Variants in GABBR2 observed in about 807,000 individuals in gnomAD.
GABBR2 encodes the protein gamma-aminobutyric acid type B receptor subunit 2, also known as G-protein coupled receptor 51.
Under a neutral mutation model 105.6 loss-of-function variants are expected in GABBR2, and 23 were observed. The ratio of observed to expected loss-of-function variants is 0.22; its 90% confidence interval spans 0.16 to 0.31. The LOEUF is 0.31. Ranked by LOEUF, GABBR2 falls within the 10% of genes least tolerant of loss-of-function variation. The pLI is 1.00. For synonymous variants in GABBR2, 478 were observed against 499.7 expected, an observed-to-expected ratio of 0.96 and a Z score of 0.58; for missense variants, 734 against 1,245.5, an observed-to-expected ratio of 0.59 and a Z score of 6.18.
intron 1 of GABBR2, among the ~76,000 whole-genome samples, chr9:98,638,737 C>T (rs1441347143): frequency 6.6e-6 from 1 of 152,150 alleles, no homozygotes; most frequent in Non-Finnish European, 1.5e-5. Flanking sequence ...ATGCCCCAAA[C>T]CTGTGATTTA....
intron 1 of GABBR2, among the ~76,000 whole-genome samples, chr9:98,664,872 TC>T (rs1830312945): frequency 6.6e-6 from 1 of 152,194 alleles, no homozygotes; most frequent in Non-Finnish European, 1.5e-5. Flanking sequence ...AAGCTTGTAG[TC>T]CCAGCACTTT....
intron 7 of GABBR2, among the ~76,000 whole-genome samples, chr9:98,410,303 G>A (rs1487440675): frequency 6.6e-6 from 1 of 152,082 alleles, no homozygotes. Flanking sequence ...AGGCAAGGGA[G>A]TTTGGTAACT....
chr9:98,340,779 A>G lies in GABBR2; in HGVS notation c.1893+21936T>C, dbSNP rs76460647. Among the ~76,000 whole-genome samples the G allele has an allele frequency of 8.5e-5, 13 of 152,328 alleles. No homozygotes were observed. The East Asian group carries it at 2.3e-3, about 27-fold the overall frequency. On this transcript the variant is annotated intron_variant, in intron 13 of 18. Transcript: ENST00000259455. ...TGGAGTTTACCCACAGAAAAGAGGG[A>G]AGGTCTTCATGGGGACTGCAGCCTG...
Position 98,403,428 on chromosome 9 carries a change from G to A in GABBR2, c.1297+2653C>T, listed in dbSNP as rs1005259283. Among the ~76,000 whole-genome samples, 126 of 152,248 alleles carry A rather than the reference G, an allele frequency of 8.3e-4. 3 individuals are homozygous for A. Among genetic ancestry groups the A allele is most frequent in the East Asian group, 3.9e-4 (2 of 5,186 alleles). On this transcript the variant is annotated intron_variant, in intron 8 of 18. Transcript: ENST00000259455. ...GGAGCACACTTGTGCCTGGGTGTCCGTGGGAATGTGCAGAAGAGCAAGCTG... is the reference window on the plus strand; with the variant it reads ...GGAGCACACTTGTGCCTGGGTGTCCATGGGAATGTGCAGAAGAGCAAGCTG...
chr9:98,707,218 AC>A (rs76299135), intron 1 of GABBR2: 6,860 of 152,034 alleles, frequency 0.045, 513 homozygotes, highest in East Asian at 0.31. Flanking sequence ...CAGTAGCGCG[AC>A]CCTCCTCCCA....
At chr9:98,544,842 C>T (rs1402580398) in intron 2 of GABBR2, among the ~76,000 whole-genome samples, 1 of 152,164 alleles carries the variant, frequency 6.6e-6, no homozygotes, top group East Asian at 1.9e-4. Flanking sequence ...TGCACACCTG[C>T]CTTCAGTTGA....
chr9:98,589,539 T>C (rs1015210777), intron 1 of GABBR2, among the ~76,000 whole-genome samples: 6 of 152,204 alleles, frequency 3.9e-5, no homozygotes, highest in African/African-American at 1.4e-4. Context: ...TGGGGAACTA[T>C]TAAAGAAGGG....
chr9:98,456,557 G>A (rs1359309292), intron 6 of GABBR2, among the ~76,000 whole-genome samples: 1 of 152,074 alleles, frequency 6.6e-6, no homozygotes, highest in African/African-American at 2.4e-5. Flanking sequence ...CTTGATCACT[G>A]AGGTACCACC....
At chr9:98,604,927 A>C (rs905117234) in intron 1 of GABBR2, among the ~76,000 whole-genome samples, 1 of 152,194 alleles carries the variant, frequency 6.6e-6, no homozygotes, top group Non-Finnish European at 1.5e-5. Flanking sequence ...TCCCTGATCC[A>C]GTAAATAATG....
chr9:98,313,104 T>A (rs145629683), intron 13 of GABBR2, among the ~76,000 whole-genome samples: 26 of 152,334 alleles, frequency 1.7e-4, no homozygotes, highest in Non-Finnish European at 3.4e-4. Context: ...CTTATTCATG[T>A]TGATGCTTAA....
chr9:98,595,340 C>T (rs561664760), intron 1 of GABBR2, among the ~76,000 whole-genome samples: 1 of 151,894 alleles, frequency 6.6e-6, no homozygotes, highest in South Asian at 2.1e-4. Context: ...CTAATACCAT[C>T]AGTTTGGGGG....
intron 3 of GABBR2, among the ~76,000 whole-genome samples, chr9:98,511,483 A>G (rs182130843): frequency 4.2e-5 from 6 of 141,518 alleles, no homozygotes; most frequent in African/African-American, 1.6e-4. Context: ...TTTTTTGAAA[A>G]GATCAACAAA....
At chr9:98,393,157 C>CCCATCGATCCATCCAT (rs1832221455) in intron 9 of GABBR2, among the ~76,000 whole-genome samples, 1 of 115,274 alleles carries the variant, frequency 8.7e-6, no homozygotes, top group African/African-American at 3.5e-5. Flanking sequence ...CATCCACCAA[C>CCCATCGATCCATCCAT]CCATCCATCC....
intron 8 of GABBR2, among the ~76,000 whole-genome samples, chr9:98,403,967 A>C (rs541661738): frequency 6.6e-6 from 1 of 152,048 alleles, no homozygotes; most frequent in African/African-American, 2.4e-5. Flanking sequence ...GTCGACCCAC[A>C]AAGCGCAAGC....
At chr9:98,597,912 C>T (rs1179745434) in intron 1 of GABBR2, among the ~76,000 whole-genome samples, 2 of 152,058 alleles carry the variant, frequency 1.3e-5, no homozygotes, top group Admixed American at 6.6e-5. Context: ...CTCTGCCTCC[C>T]GGGTTCAAGC....
chr9:98,594,820 A>C (rs1360723160), intron 1 of GABBR2, among the ~76,000 whole-genome samples: 15 of 152,202 alleles, frequency 9.9e-5, no homozygotes. Context: ...TAACCATGGC[A>C]CTCGAGGGAG....
At chr9:98,391,008 TTTTC>T (rs1444297882) in intron 9 of GABBR2, among the ~76,000 whole-genome samples, 1 of 152,088 alleles carries the variant, frequency 6.6e-6, no homozygotes, top group Admixed American at 6.5e-5. Flanking sequence ...AAGTCCTGAG[TTTTC>T]TTTCTCACTT....
At chr9:98,553,606 A>G (rs1828531065) in intron 2 of GABBR2, among the ~76,000 whole-genome samples, 1 of 152,178 alleles carries the variant, frequency 6.6e-6, no homozygotes, top group South Asian at 2.1e-4. Context: ...GAGGAAAAAA[A>G]AGAGGCAAAG....
At chr9:98,646,977 A>G (rs1404440396) in intron 1 of GABBR2, among the ~76,000 whole-genome samples, 1 of 152,180 alleles carries the variant, frequency 6.6e-6, no homozygotes, top group African/African-American at 2.4e-5. Flanking sequence ...TTGACTTCCT[A>G]TCCAGGGGTC....
Sources: allele counts gnomAD v4.1 joint callset (sites outside exome capture counted in the v4.1 genomes callset), GRCh38; gene constraint gnomAD v4.1.1; transcripts MANE v1.5; gene names NCBI Gene and HGNC (gene_info 2026-07-23, HGNC 2026-07-21).